SLC49A3: variants seen among roughly 807,000 people sequenced by gnomAD.
SLC49A3 encodes the protein solute carrier family 49 member A3.
In SLC49A3, 50 loss-of-function variants were observed where a neutral mutation model predicts 43.8. That is an observed-to-expected ratio of 1.14 (90% CI 0.91 to 1.45). SLC49A3 has a LOEUF of 1.45. Ranked by LOEUF, SLC49A3 falls within the 40% of genes most tolerant of loss-of-function variation. SLC49A3 has a pLI of 0.00. For synonymous variants in SLC49A3, 413 were observed against 352.0 expected (o/e 1.17, Z -1.94); for missense variants, 906 against 774.1 (o/e 1.17, Z -2.02).
Position 684,836 on chromosome 4 carries a change from A to G in SLC49A3, c.606T>C (p.Pro202=), listed in dbSNP as rs1740663477. 2 of 1,612,286 alleles carry G rather than the reference A, an allele frequency of 1.2e-6. No homozygotes were observed. Among genetic ancestry groups the G allele is most frequent in the Admixed American group, 1.7e-5 (1 of 59,930 alleles). ...IPLMLGVYTI[P]AGVVCLLSTI... is the part of the protein sequence containing the mutation. ...TGGACAGCAGGCAGACGACGCCAGCAGGGATGGTATAGACACCGAGCTGGG... is the reference window on the plus strand; with the variant it reads ...TGGACAGCAGGCAGACGACGCCAGCGGGGATGGTATAGACACCGAGCTGGG... Residue 202 remains proline, a synonymous_variant, in exon 5 of 10, where the codon CCT becomes CCC. Transcript: ENST00000322224.
At chr4:677,300 C>T (rs1055815153), downstream of SLC49A3, among the ~76,000 whole-genome samples, 11 of 152,228 alleles carry the variant, frequency 7.2e-5, no homozygotes, top group Non-Finnish European at 1.0e-4. Context: ...TGTCTGACAC[C>T]ACCAACAGAC....
Position 682,030 on chromosome 4 carries a change from C to A in SLC49A3, c.1608G>T (p.Arg536Ser). ...APSRPGRLAG[R>S]VQASRFIDPA... ...GGTCAATAAACCTGGACGCTTGGAC[C>A]CTGCCTGCGAGTCTGCCGGGGCGGG... The change falls in exon 10 of 10, where the codon AGG (arginine) becomes AGT (serine). Residue 536 changes from arginine to serine, a missense_variant. Arg to Ser is a moderately radical substitution (Grantham distance 110, BLOSUM62 -1). Coordinates refer to ENST00000322224, the MANE Select transcript of SLC49A3 (RefSeq NM_032219.4). 7.0e-7 allele frequency: 1 copy of A among 1,430,324 alleles called. No individual in the cohort carries two copies. Among genetic ancestry groups the A allele is most frequent in the Non-Finnish European group, 9.3e-7 (1 of 1,078,846 alleles). The allele number at this position is 1,430,324 out of a possible 1,614,324, so 88.6% of individuals were successfully genotyped here. A position where few individuals can be genotyped will look rare whatever the true frequency, so the allele number is the denominator to read the frequency against.
chr4:681,126 A>C, downstream of SLC49A3: 1 of 1,607,144 alleles, frequency 6.2e-7, no homozygotes, highest in Non-Finnish European at 8.5e-7. Flanking sequence ...GGCTGACAAG[A>C]TGACGGCGGA....
chr4:684,078 C>T (rs1383397614), intron 6 of SLC49A3, among the ~76,000 whole-genome samples: 1 of 152,228 alleles, frequency 6.6e-6, no homozygotes, highest in Non-Finnish European at 1.5e-5. Flanking sequence ...TCCCAGAAGG[C>T]AGAGGGCAGA....
At position 686,266 on chromosome 4, in the gene SLC49A3, C is replaced by CCTGA; in HGVS notation, c.330_331insTCAG (p.Val111SerfsTer81). 6.2e-7 allele frequency: 1 copy of CCTGA among 1,613,426 alleles called. No individual in the cohort carries two copies. Among genetic ancestry groups the CCTGA allele is most frequent in the Non-Finnish European group, 8.5e-7 (1 of 1,180,018 alleles). On this transcript the variant is annotated frameshift_variant, in exon 3 of 10. Coordinates refer to ENST00000322224, the MANE Select transcript of SLC49A3 (RefSeq NM_032219.4). LOFTEE classifies it high-confidence loss of function. ...ACCATGCAGGGCACCATGCGTAGCA[C>CCTGA]ACTCCCGGCAAAGTTCAGCCACGCA... is the stretch of plus-strand genomic sequence containing the variant.
Position 689,050 on chromosome 4 carries a change from G to A in SLC49A3, c.78C>T (p.Tyr26=). 2 of 1,585,242 alleles carry A rather than the reference G, an allele frequency of 1.3e-6. No homozygotes were observed. Among genetic ancestry groups the A allele is most frequent in the Middle Eastern group, 1.7e-4 (1 of 5,954 alleles). The change falls in exon 1 of 10, where the codon TAC becomes TAT. Residue 26 remains tyrosine (Y), a synonymous_variant. Transcript: ENST00000322224. ...ALCAQRGHRT[Y]ARRWVFLLAI... is the part of the protein sequence containing the mutation. ...CGAGCAGGAACACCCAGCGGCGCGC[G>A]TAGGTGCGGTGGCCCCGCTGCGCGC...
At chr4:679,034 G>T (rs765368805), downstream of SLC49A3, 2 of 1,613,460 alleles carry the variant, frequency 1.2e-6, no homozygotes, top group Admixed American at 1.7e-5. Context: ...GCCTCCCTGG[G>T]TAGGTACCCA....
In SLC49A3 at chr4:686,699, G is replaced by A. The variant is rs1014270888; in HGVS notation, c.136-9C>T. 9.9e-6 allele frequency: 16 copies of A among 1,611,292 alleles called. No homozygotes were observed. Among genetic ancestry groups the A allele is most frequent in the African/African-American group, 1.3e-5 (1 of 74,926 alleles). On this transcript the variant is annotated splice_polypyrimidine_tract_variant and intron_variant, in intron 1 of 9. Coordinates refer to ENST00000322224, the MANE Select transcript of SLC49A3 (RefSeq NM_032219.4). ...GCAAAGCTGAGCCACAGCTGCAGGG[G>A]TCAGGCGGGAGTCAGCGCAGGGCCA... is the stretch of plus-strand genomic sequence containing the variant.
downstream of SLC49A3, among the ~76,000 whole-genome samples, chr4:681,416 C>G (rs1463591311): frequency 6.6e-6 from 1 of 152,004 alleles, no homozygotes; most frequent in African/African-American, 2.4e-5. Flanking sequence ...GCGGGGCTCA[C>G]AGCTGTGCGG....
upstream of SLC49A3, chr4:689,155 G>A (rs1183103187): frequency 7.7e-7 from 1 of 1,291,834 alleles, no homozygotes; most frequent in East Asian, 3.2e-5. Flanking sequence ...GGTCTCCGCC[G>A]GTCCCGCCGG....
At position 682,699 on chromosome 4, in the gene SLC49A3, G is replaced by A. The variant is rs546493543; in HGVS notation, c.1261+82C>T. 4.2e-6 allele frequency: 5 copies of A among 1,178,976 alleles called. No homozygotes were observed. The Admixed American group carries it at 7.4e-5, about 17-fold the overall frequency. 73.0% of individuals were successfully genotyped at this position (1,178,976 alleles called of 1,614,324 possible). A position where few individuals can be genotyped will look rare whatever the true frequency, so the allele number is the denominator to read the frequency against. ...CTGCTGTTTAGGGCTCCCCACGTAGGGTTCACCTGTCCCGCTCCCAGGGAA... is the reference window on the plus strand; with the variant it reads ...CTGCTGTTTAGGGCTCCCCACGTAGAGTTCACCTGTCCCGCTCCCAGGGAA... On this transcript the variant is annotated intron_variant, in intron 9 of 9. Transcript: ENST00000322224.
At chr4:680,623 G>A (rs372773220), downstream of SLC49A3, 237 of 1,600,340 alleles carry the variant, frequency 1.5e-4, no homozygotes, top group Middle Eastern at 5.0e-4. Context: ...CCCGGCTTCC[G>A]GGGAACCCCA....
chr4:689,901 C>T (rs1486941819), upstream of SLC49A3, among the ~76,000 whole-genome samples: 2 of 152,240 alleles, frequency 1.3e-5, no homozygotes, highest in Non-Finnish European at 2.9e-5. Context: ...CTGTGCCTGG[C>T]CCACCCTGGG....
chr4:676,923 C>T (rs1738897259), downstream of SLC49A3: 5 of 985,300 alleles, frequency 5.1e-6, no homozygotes, highest in African/African-American at 3.5e-5. Flanking sequence ...CTGGGGATGG[C>T]ACCAGGCAGC....
At chr4:688,954 G>A in intron 1 of SLC49A3, 39 bp downstream of exon 1, 1 of 1,574,210 alleles carries the variant, frequency 6.4e-7, no homozygotes, top group South Asian at 1.1e-5. Context: ...CCGAGGGACT[G>A]AGGGTCCCGG....
upstream of SLC49A3, among the ~76,000 whole-genome samples, chr4:690,295 C>A (rs949522228): frequency 5.3e-5 from 8 of 151,956 alleles, no homozygotes; most frequent in African/African-American, 1.9e-4. Flanking sequence ...TGGGTGGGCC[C>A]CAAGGGGGTT....
At chr4:681,756 C>A (rs1236628773), downstream of SLC49A3, 2 of 1,131,408 alleles carry the variant, frequency 1.8e-6, no homozygotes, top group East Asian at 3.6e-5. Flanking sequence ...CCCCCTCCAG[C>A]GCCGCCCTCA....
chr4:680,676 G>A (rs879005837), downstream of SLC49A3: 197 of 1,363,288 alleles, frequency 1.4e-4, 1 homozygote, highest in South Asian at 2.3e-3. Flanking sequence ...GCCACCAGAT[G>A]CCACGCCCAC....
downstream of SLC49A3, chr4:681,230 G>C (rs539226601): frequency 2.8e-5 from 42 of 1,478,564 alleles, no homozygotes; most frequent in African/African-American, 4.9e-4. Flanking sequence ...AGCCCGAGGA[G>C]CAGCGCCGCG....
Sources: allele counts gnomAD v4.1 joint callset (sites outside exome capture counted in the v4.1 genomes callset), GRCh38; gene constraint gnomAD v4.1.1; transcripts MANE v1.5; gene names NCBI Gene and HGNC (gene_info 2026-07-23, HGNC 2026-07-21).